Variants in COL6A5 observed in about 807,000 individuals in gnomAD.
The protein encoded by COL6A5 is collagen type VI alpha 5 chain.
In COL6A5, 48 loss-of-function variants were observed where a neutral mutation model predicts 65.6. The ratio of observed to expected loss-of-function variants is 0.73; its 90% CI spans 0.58 to 0.93. The LOEUF is 0.93. Among genes scored for constraint, COL6A5 ranks in the 40% least tolerant of loss-of-function variants. The pLI is 0.00. For synonymous variants in COL6A5, 291 were observed against 322.8 expected (o/e 0.90, Z 1.05); for missense variants, 914 against 928.3 (o/e 0.98, Z 0.20).
intron 10 of COL6A5, among the ~76,000 whole-genome samples, chr3:130,399,241 C>T (rs1936722197): frequency 6.6e-6 from 1 of 152,166 alleles, no homozygotes; most frequent in Admixed American, 6.5e-5. Flanking sequence ...AGTTGTGTCT[C>T]TTTCTCTGCA....
chr3:130,375,144 C>CTGA (rs1467317809), intron 2 of COL6A5, among the ~76,000 whole-genome samples: 1 of 152,160 alleles, frequency 6.6e-6, no homozygotes, highest in Non-Finnish European at 1.5e-5. Flanking sequence ...TCTTATCTGG[C>CTGA]TGATGCACCC....
exon 5 of COL6A5, chr3:130,455,587 C>A (rs747104120): frequency 6.2e-7 from 1 of 1,612,736 alleles, no homozygotes; most frequent in African/African-American, 1.3e-5. Flanking sequence ...ACCTTCCAAG[C>A]CAAATGTTTG....
At chr3:130,404,155 A>G (rs1166895252) in intron 13 of COL6A5, among the ~76,000 whole-genome samples, 2 of 152,218 alleles carry the variant, frequency 1.3e-5, no homozygotes, top group Non-Finnish European at 2.9e-5. Context: ...ATCCCTCAAG[A>G]TGAGAGGCAT....
chr3:130,421,502 A>C (rs774961132), intron 27 of COL6A5, 142 bp downstream of exon 27: 2 of 753,878 alleles, frequency 2.7e-6, no homozygotes, highest in Non-Finnish European at 4.4e-6. Flanking sequence ...CTGAGGAAAG[A>C]ATCATATTTA....
intron 17 of COL6A5, 85 bp from the exon 18 acceptor site, chr3:130,409,241 C>A: frequency 2.1e-6 from 2 of 950,418 alleles, no homozygotes; most frequent in Non-Finnish European, 3.1e-6. Context: ...ATCTGATTAA[C>A]CCCCCTACAT....
At chr3:130,359,894 G>A (rs1421162651) in intron 1 of COL6A5, among the ~76,000 whole-genome samples, 1 of 152,056 alleles carries the variant, frequency 6.6e-6, no homozygotes, top group South Asian at 2.1e-4. Context: ...TTATCTTTAT[G>A]AAGTGGATTT....
intron 5 of COL6A5, among the ~76,000 whole-genome samples, chr3:130,464,432 A>G (rs1709768984): frequency 6.6e-6 from 1 of 152,022 alleles, no homozygotes; most frequent in African/African-American, 2.4e-5. Context: ...CACACCCAGC[A>G]ATGCTTTTCT....
intron 17 of COL6A5, among the ~76,000 whole-genome samples, chr3:130,407,919 C>T (rs1312569558): frequency 6.6e-6 from 1 of 152,188 alleles, no homozygotes; most frequent in Non-Finnish European, 1.5e-5. Flanking sequence ...TTTATCACTT[C>T]CCCAATGAAT....
chr3:130,432,565 G>C (rs1247091469), intron 1 of COL6A5, among the ~76,000 whole-genome samples: 1 of 144,434 alleles, frequency 6.9e-6, no homozygotes, highest in Non-Finnish European at 1.5e-5. Flanking sequence ...AAAAAAAAAG[G>C]AAACTGAGGC....
rs1469177079 is a variant in COL6A5 at position 130,406,322 on chromosome 3, G to T, written c.4479+1G>T. 1.9e-5 allele frequency: 30 copies of T among 1,547,500 alleles called. No individual in the cohort carries two copies. In the East Asian group the frequency reaches 7.1e-4, roughly 37 times the overall value. On this transcript the variant is annotated splice_donor_variant and NMD_transcript_variant, in intron 17 of 41. Coordinates refer to the COL6A5 transcript ENST00000312481. ...AGAAAAAGGTGATCCAGGATCTCAG[G>T]TAACACTTTTCTTTTCAATACTTCA... is the stretch of plus-strand genomic sequence containing the variant.
intron 4 of COL6A5, among the ~76,000 whole-genome samples, chr3:130,448,665 A>T (rs535004956): frequency 1.3e-5 from 2 of 152,272 alleles, no homozygotes; most frequent in East Asian, 3.9e-4. Flanking sequence ...AGCAATTAAA[A>T]TATCATCAAT....
chr3:130,410,060 G>T (rs1036850685), exon 19 of COL6A5: 34 of 1,548,114 alleles, frequency 2.2e-5, no homozygotes, highest in Non-Finnish European at 3.0e-5. Context: ...CTCCAAAGGA[G>T]AACAAGGAAG....
chr3:130,467,415 A>C (rs1709842775), intron 5 of COL6A5, among the ~76,000 whole-genome samples: 1 of 152,040 alleles, frequency 6.6e-6, no homozygotes, highest in Non-Finnish European at 1.5e-5. Flanking sequence ...TAGCTAGAAG[A>C]GTAGATTTGG....
At chr3:130,407,342 G>T (rs1242578870) in intron 17 of COL6A5, among the ~76,000 whole-genome samples, 2 of 152,172 alleles carry the variant, frequency 1.3e-5, no homozygotes, top group South Asian at 2.1e-4. Flanking sequence ...GGAAGAGCTT[G>T]GTTTTTAACC....
intron 7 of COL6A5, among the ~76,000 whole-genome samples, chr3:130,478,221 T>C (rs1159445814): frequency 6.6e-6 from 1 of 152,118 alleles, no homozygotes; most frequent in Non-Finnish European, 1.5e-5. Flanking sequence ...TCATAAATGT[T>C]AGCTGCTATT....
chr3:130,351,994 C>T (rs191745834), intron 1 of COL6A5, among the ~76,000 whole-genome samples: 3 of 152,232 alleles, frequency 2.0e-5, no homozygotes, highest in East Asian at 1.9e-4. Context: ...AGGATGAGTT[C>T]ATGTCCTTTG....
intron 5 of COL6A5, among the ~76,000 whole-genome samples, chr3:130,458,170 A>G (rs1015241155): frequency 6.6e-6 from 1 of 152,110 alleles, no homozygotes; most frequent in Non-Finnish European, 1.5e-5. Flanking sequence ...AATTGAAATT[A>G]TCTTCAATTC....
At chr3:130,393,804 C>A (rs1021319189) in intron 7 of COL6A5, among the ~76,000 whole-genome samples, 1 of 152,198 alleles carries the variant, frequency 6.6e-6, no homozygotes, top group African/African-American at 2.4e-5. Flanking sequence ...AGGGAGAACT[C>A]CCTTCCCACT....
intron 13 of COL6A5, among the ~76,000 whole-genome samples, chr3:130,404,236 A>G (rs1254397228): frequency 1.3e-5 from 2 of 152,208 alleles, no homozygotes; most frequent in East Asian, 1.9e-4. Flanking sequence ...TCACTTTCTC[A>G]TCAATCAAAT....
Sources: allele counts gnomAD v4.1 joint callset (sites outside exome capture counted in the v4.1 genomes callset), GRCh38; gene constraint gnomAD v4.1.1; transcripts MANE v1.5; gene names NCBI Gene and HGNC (gene_info 2026-07-23, HGNC 2026-07-21).